The following ADGRV1 variants were observed in gnomAD, a reference collection of about 807,000 sequenced individuals.
ADGRV1 encodes G-protein coupled receptor 98.
ADGRV1 carries 359 observed loss-of-function variants against 596.2 expected under a neutral mutation model. That is an observed-to-expected ratio of 0.60 (90% confidence interval 0.55 to 0.66). ADGRV1 has a LOEUF of 0.66. ADGRV1 is among the 30% of genes least tolerant of loss of function. The pLI, the probability that ADGRV1 is intolerant of heterozygous loss-of-function variation, is 0.00. For missense variants in ADGRV1, 7,274 were observed against 7,575.6 expected, an observed-to-expected ratio of 0.96 and a Z score of 1.48; for synonymous variants, 2,681 against 2,679.2, an observed-to-expected ratio of 1.00 and a Z score of -0.02.
intron 50 of ADGRV1, among the ~76,000 whole-genome samples, chr5:90,738,130 A>AT (rs1318064634): frequency 6.6e-6 from 1 of 152,062 alleles, no homozygotes; most frequent in Non-Finnish European, 1.5e-5. Flanking sequence ...TGAGGCTTAC[A>AT]TAAAACATCT....
chr5:90,690,188 C>G (rs1746287012), intron 30 of ADGRV1, 112 bp downstream of exon 30: 3 of 651,422 alleles, frequency 4.6e-6, no homozygotes, highest in Non-Finnish European at 5.3e-6. Context: ...TCTTTCTTAA[C>G]CTGCTGTTAC....
intron 87 of ADGRV1, among the ~76,000 whole-genome samples, chr5:91,111,394 C>T (rs1325020547): frequency 2.0e-5 from 3 of 152,102 alleles, no homozygotes; most frequent in Admixed American, 6.5e-5. Context: ...AGAAATGGAA[C>T]GTATTTCTTT....
At chr5:91,107,269 T>C (rs1791963089) in intron 87 of ADGRV1, among the ~76,000 whole-genome samples, 2 of 152,090 alleles carry the variant, frequency 1.3e-5, no homozygotes, top group Admixed American at 6.6e-5. Context: ...TCAAAGGAGA[T>C]TTTTTGGTTT....
rs781673541 is a variant in ADGRV1, at chr5:90,757,204, C to T, written c.11940+43C>T. 22 of 1,557,500 alleles carry T rather than the reference C, an allele frequency of 1.4e-5. No homozygotes were observed. The African/African-American group carries it at 2.7e-4, about 19-fold the overall frequency. On this transcript the variant is annotated intron_variant, in intron 57 of 89. Coordinates refer to ENST00000405460, the MANE Select transcript of ADGRV1 (RefSeq NM_032119.4). ...ATATTAGCCTTTTTGAGTTGTGCTT[C>T]AGACATTTTGTAGGCATCCATCAAA...
intron 85 of ADGRV1, among the ~76,000 whole-genome samples, chr5:90,997,334 G>T (rs767733736): frequency 6.6e-6 from 1 of 151,866 alleles, no homozygotes; most frequent in African/African-American, 2.4e-5. Context: ...GTTCTCATGA[G>T]ATCTGGTTGT....
At chr5:90,607,390 C>A (rs1762233540) in intron 1 of ADGRV1, among the ~76,000 whole-genome samples, 1 of 152,070 alleles carries the variant, frequency 6.6e-6, no homozygotes, top group African/African-American at 2.4e-5. Flanking sequence ...CTGCTGACCC[C>A]CTGCTTACCC....
intron 86 of ADGRV1, among the ~76,000 whole-genome samples, chr5:91,101,780 C>T (rs545791183): frequency 2.6e-5 from 4 of 151,420 alleles, no homozygotes; most frequent in South Asian, 2.1e-4. Flanking sequence ...CACACACACA[C>T]GTGCGCATGC....
chr5:90,693,039 C>T (rs1208963419), intron 32 of ADGRV1, among the ~76,000 whole-genome samples: 10 of 151,998 alleles, frequency 6.6e-5, no homozygotes. Context: ...AAATGCATTG[C>T]TCTAATCTGT....
intron 70 of ADGRV1, among the ~76,000 whole-genome samples, chr5:90,798,761 G>C (rs557971085): frequency 2.0e-5 from 3 of 152,160 alleles, no homozygotes; most frequent in South Asian, 2.1e-4. Flanking sequence ...GGGATGCAAG[G>C]CTGGTTCAAC....
At chr5:90,662,768 C>A (rs372498619) in intron 21 of ADGRV1, among the ~76,000 whole-genome samples, 102 of 152,136 alleles carry the variant, frequency 6.7e-4, no homozygotes, top group African/African-American at 2.4e-3. Flanking sequence ...CCCCTCCCCC[C>A]ACCACACAAC....
At chr5:90,778,157 G>A (rs968291630) in intron 62 of ADGRV1, 114 bp downstream of exon 62, 7 of 1,205,096 alleles carry the variant, frequency 5.8e-6, no homozygotes, top group East Asian at 5.1e-5. Context: ...TTAGAAGTGG[G>A]GGATGGGGAG....
At chr5:90,713,815 A>G (rs1469665910) in intron 42 of ADGRV1, among the ~76,000 whole-genome samples, 2 of 152,308 alleles carry the variant, frequency 1.3e-5, no homozygotes, top group Admixed American at 6.5e-5. Flanking sequence ...GCCCACCTCC[A>G]TGAGTAGGAG....
chr5:90,869,008 C>T (rs56406802), intron 83 of ADGRV1, among the ~76,000 whole-genome samples: 8,759 of 152,018 alleles, frequency 0.058, 683 homozygotes, highest in African/African-American at 0.17. Context: ...ATTAAGATTG[C>T]GCAATGAGAA....
chr5:91,012,870 C>G (rs549502872), intron 85 of ADGRV1, among the ~76,000 whole-genome samples: 2 of 152,000 alleles, frequency 1.3e-5, no homozygotes, highest in Non-Finnish European at 2.9e-5. Flanking sequence ...TCCTCTCCCT[C>G]CTCCCACCTC....
intron 86 of ADGRV1, among the ~76,000 whole-genome samples, chr5:91,090,949 T>C (rs956201601): frequency 2.2e-4 from 34 of 152,230 alleles, no homozygotes; most frequent in African/African-American, 7.9e-4. Flanking sequence ...TACATTAACT[T>C]GGGTTTCATA....
chr5:90,797,287 C>CAAAAAAAAA (rs780696194), intron 70 of ADGRV1, among the ~76,000 whole-genome samples: 20 of 26,350 alleles, frequency 7.6e-4, no homozygotes, highest in African/African-American at 1.2e-3. Context: ...AAATGAAAAG[C>CAAAAAAAAA]AAAAAAAAAA....
At chr5:90,730,371 A>C (rs977001056) in intron 50 of ADGRV1, among the ~76,000 whole-genome samples, 1 of 152,226 alleles carries the variant, frequency 6.6e-6, no homozygotes, top group Non-Finnish European at 1.5e-5. Context: ...TTGTCTAGAG[A>C]AACATGAAGA....
chr5:90,772,863 A>G (rs766578363), intron 59 of ADGRV1, among the ~76,000 whole-genome samples: 4 of 152,184 alleles, frequency 2.6e-5, no homozygotes, highest in Non-Finnish European at 5.9e-5. Flanking sequence ...GAATCCCCAC[A>G]GCAATGAAAA....
At chr5:90,939,348 G>C (rs1275678013) in intron 83 of ADGRV1, among the ~76,000 whole-genome samples, 1 of 152,140 alleles carries the variant, frequency 6.6e-6, no homozygotes, top group East Asian at 1.9e-4. Context: ...ATTTTGTTCT[G>C]ATCTGCTGCT....
Sources: gnomAD v4.1 joint callset for allele counts (sites outside exome capture counted in the v4.1 genomes callset) on GRCh38, gnomAD v4.1.1 for gene constraint, MANE v1.5 for transcripts, NCBI Gene and HGNC (gene_info 2026-07-23, HGNC 2026-07-21) for gene names.